Variants in LRRC47 observed in about 807,000 individuals in gnomAD.
LRRC47 encodes leucine-rich repeat-containing protein 47.
Under a neutral mutation model 40.9 loss-of-function variants are expected in LRRC47, and 31 were observed. That is an observed-to-expected ratio of 0.76 (90% CI 0.57 to 1.02). The LOEUF (loss-of-function observed/expected upper bound fraction) is 1.02, where lower values mean the gene tolerates loss of function less well. Ranked by LOEUF, LRRC47 falls within the 50% of genes least tolerant of loss-of-function variation. LRRC47 has a pLI of 0.00. For synonymous variants in LRRC47, 427 were observed against 371.9 expected (o/e 1.15, Z -1.70); for missense variants, 726 against 796.1 (o/e 0.91, Z 1.06).
In LRRC47 at chr1:3,786,159, C is replaced by T. The variant is rs111754985; in HGVS notation, c.1077+690G>A. Among the ~76,000 whole-genome samples the T allele has an allele frequency of 1.6e-3, 239 of 152,156 alleles. 1 individual carries two copies. Among genetic ancestry groups the T allele is most frequent in the Non-Finnish European group, 3.0e-3 (206 of 68,010 alleles). On this transcript the variant is annotated intron_variant, in intron 2 of 6. Transcript: ENST00000378251. Reference sequence around the variant, plus strand: ...TGCTGGGATTACAGGCGTGAGCCACCGCACCAGCTGGAACCCTGATTTTCA... The same window carrying T: ...TGCTGGGATTACAGGCGTGAGCCACTGCACCAGCTGGAACCCTGATTTTCA...
At chr1:3,787,375 C>G in intron 1 of LRRC47, 65 bp from the exon 2 acceptor site, 2 of 1,472,822 alleles carry the variant, frequency 1.4e-6, no homozygotes, top group East Asian at 4.6e-5. Flanking sequence ...AGGTCATGCT[C>G]GAGAGGCAGG....
At chr1:3,784,535 C>T (rs1415368743) in intron 3 of LRRC47, among the ~76,000 whole-genome samples, 8 of 151,248 alleles carry the variant, frequency 5.3e-5, no homozygotes, top group Admixed American at 3.3e-4. Context: ...GGGACAGAGA[C>T]CAAAATTTCT....
In LRRC47 at chr1:3,784,649, G is replaced by T. The variant is rs898900599; in HGVS notation, c.1194+438C>A. Among the ~76,000 whole-genome samples the T allele has an allele frequency of 7.9e-5, 12 of 152,228 alleles. No individual in the cohort carries two copies. The East Asian group carries it at 2.1e-3, about 27-fold the overall frequency. ...ACCGCTTCGAGTAACCGCAAACGCG[G>T]TCTGTTTCATTATTTCATGTCTTTG... is the stretch of plus-strand genomic sequence containing the variant. On this transcript the variant is annotated intron_variant, in intron 3 of 6. Transcript: ENST00000378251.
rs535552223 is a variant in LRRC47 at position 3,795,072 on chromosome 1, A to G, written c.615+790T>C. ...ACATCTCAAAAAAAAAAAAAAAAAA[A>G]AGAAATGTCTGCATAAATTCAAAGA... is the stretch of plus-strand genomic sequence containing the variant. On this transcript the variant is annotated intron_variant, in intron 1 of 6. Transcript: ENST00000378251. 6.6e-3 allele frequency among the ~76,000 whole-genome samples: 1,007 copies of G among 151,794 alleles called. 10 individuals carry two copies. Among genetic ancestry groups the G allele is most frequent in the Non-Finnish European group, 0.011 (747 of 67,896 alleles).
intron 3 of LRRC47, 39 bp downstream of exon 3, chr1:3,785,048 G>C: frequency 6.8e-7 from 1 of 1,478,750 alleles, no homozygotes; most frequent in Non-Finnish European, 9.2e-7. Context: ...CGACACCAAG[G>C]AGACTCTTCA....
At chr1:3,791,622 AATTTTGT>A (rs1295016370) in intron 1 of LRRC47, among the ~76,000 whole-genome samples, 23 of 152,106 alleles carry the variant, frequency 1.5e-4, no homozygotes, top group African/African-American at 5.3e-4. Context: ...ACGCCCGGCT[AATTTTGT>A]ATTTTTAGTA....
At chr1:3,781,803 G>A (rs980192476) in intron 5 of LRRC47, among the ~76,000 whole-genome samples, 1 of 152,080 alleles carries the variant, frequency 6.6e-6, no homozygotes, top group East Asian at 1.9e-4. Flanking sequence ...AACACAGCAA[G>A]ACCCCATCTC....
chr1:3,786,734 C>T, intron 2 of LRRC47, 115 bp downstream of exon 2: 9 of 982,906 alleles, frequency 9.2e-6, no homozygotes, highest in Non-Finnish European at 1.2e-5. Flanking sequence ...AGACACCCGG[C>T]TGGGCCCCAT....
chr1:3,783,965 C>T (rs758151441), intron 4 of LRRC47, 31 bp downstream of exon 4: 70 of 1,569,884 alleles, frequency 4.5e-5, no homozygotes, highest in Non-Finnish European at 5.9e-5. Flanking sequence ...TCCCCCGGGC[C>T]CGGCCCCACC....
intron 1 of LRRC47, among the ~76,000 whole-genome samples, chr1:3,788,858 A>G (rs1049965200): frequency 1.3e-5 from 2 of 152,144 alleles, no homozygotes; most frequent in African/African-American, 4.8e-5. Flanking sequence ...CCTCTGGGAG[A>G]GAATGGGGCA....
At chr1:3,782,570 C>T (rs374783836) in intron 5 of LRRC47, 91 bp downstream of exon 5, 15 of 790,222 alleles carry the variant, frequency 1.9e-5, no homozygotes, top group Non-Finnish European at 2.9e-5. Flanking sequence ...CTGGGATTAC[C>T]GGTGTTGAGC....
intron 5 of LRRC47, among the ~76,000 whole-genome samples, chr1:3,781,816 C>CA (rs1643523246): frequency 6.6e-6 from 1 of 151,996 alleles, no homozygotes; most frequent in Admixed American, 6.6e-5. Flanking sequence ...CCCATCTCTA[C>CA]AAAAAAATAC....
intron 1 of LRRC47, among the ~76,000 whole-genome samples, chr1:3,791,752 G>C (rs549901381): frequency 6.9e-6 from 1 of 144,950 alleles, no homozygotes; most frequent in African/African-American, 2.6e-5. Context: ...CACCGCACCC[G>C]GCCTCTCTCT....
intron 1 of LRRC47, among the ~76,000 whole-genome samples, chr1:3,790,892 G>C (rs1467107524): frequency 6.6e-6 from 1 of 152,148 alleles, no homozygotes; most frequent in Non-Finnish European, 1.5e-5. Flanking sequence ...ACAGGCAGAA[G>C]CTCTGTGCTG....
intron 1 of LRRC47, among the ~76,000 whole-genome samples, chr1:3,793,588 G>T (rs1466555281): frequency 6.6e-6 from 1 of 152,164 alleles, no homozygotes; most frequent in African/African-American, 2.4e-5. Context: ...TATTCTTCTG[G>T]AGGTCACAAG....
intron 1 of LRRC47, among the ~76,000 whole-genome samples, chr1:3,788,866 G>A (rs1008382717): frequency 8.5e-5 from 13 of 152,192 alleles, no homozygotes; most frequent in Admixed American, 2.6e-4. Flanking sequence ...AGAGAATGGG[G>A]CAGTCTAAGC....
chr1:3,787,109 C>A lies in LRRC47; in HGVS notation c.817G>T (p.Glu273Ter). 6.2e-7 allele frequency: 1 copy of A among 1,613,770 alleles called. No individual in the cohort carries two copies. The change falls in exon 2 of 7, where the codon GAG (glutamate) becomes TAG (stop). Residue 273 changes from glutamate (E) to a stop codon, truncating the protein, a stop_gained. Coordinates refer to ENST00000378251, the MANE Select transcript of LRRC47 (RefSeq NM_020710.3). LOFTEE classifies it high-confidence loss of function. Reference protein sequence around the residue: ...RGGGKGKGRAEGSEKEESRRK... With the variant: ...RGGGKGKGRA The stretch of plus-strand genomic sequence containing the variant: ...CGGCTCTCTTCCTTCTCCGAGCCCT[C>A]GGCACGGCCCTTGCCCTTCCCGCCA...
chr1:3,796,448 C>A lies in LRRC47; in HGVS notation c.29G>T (p.Trp10Leu). The change falls in exon 1 of 7, where the codon TGG becomes TTG. Residue 10 changes from tryptophan (W) to leucine (L), a missense_variant. Coordinates refer to ENST00000378251, the MANE Select transcript of LRRC47 (RefSeq NM_020710.3). ...GCGCTCAGCCAGCTCCAGCTCCGGC[C>A]AAGACTCTGACACCGCTGCCGCCGC... MAAAAVSES[W>L]PELELAERER... 1 of 1,523,540 alleles carries A rather than the reference C, an allele frequency of 6.6e-7. No homozygotes were observed. The highest frequency in any genetic ancestry group is 8.7e-7 in the Non-Finnish European group (1 of 1,143,786). 94.4% of individuals were successfully genotyped at this position (1,523,540 alleles called of 1,614,324 possible).
At chr1:3,793,886 T>C (rs1455804311) in intron 1 of LRRC47, among the ~76,000 whole-genome samples, 7 of 152,044 alleles carry the variant, frequency 4.6e-5, no homozygotes, top group Non-Finnish European at 1.0e-4. Context: ...CTCCAAATTT[T>C]TGGGGAAGCT....
Sources: allele counts gnomAD v4.1 joint callset (sites outside exome capture counted in the v4.1 genomes callset), GRCh38; gene constraint gnomAD v4.1.1; transcripts MANE v1.5; gene names NCBI Gene and HGNC (gene_info 2026-07-23, HGNC 2026-07-21).